The following ASPG variants were observed in gnomAD, a reference collection of about 807,000 sequenced individuals.
ASPG encodes 60 kDa lysophospholipase.
In ASPG, 53 loss-of-function variants were observed where a neutral mutation model predicts 63.2. That is an observed-to-expected ratio of 0.84 (90% CI 0.67 to 1.05). The LOEUF is 1.05. Among genes scored for constraint, ASPG ranks in the 50% least tolerant of loss-of-function variants. The pLI is 0.00. For missense variants in ASPG, 741 were observed against 794.4 expected (o/e 0.93, Z 0.81); for synonymous variants, 370 against 355.0 (o/e 1.04, Z -0.48).
intron 1 of ASPG, among the ~76,000 whole-genome samples, chr14:104,086,547 A>G (rs977875040): frequency 1.3e-5 from 2 of 152,182 alleles, no homozygotes; most frequent in Non-Finnish European, 2.9e-5. Flanking sequence ...CACAGGAAGG[A>G]TGGTAGCTTG....
Position 104,091,322 on chromosome 14 carries a change from C to T in ASPG, c.83-1311C>T, listed in dbSNP as rs917481244. On this transcript the variant is annotated intron_variant, in intron 1 of 15. Transcript: ENST00000551177. This position sits in a 1 kb window ranked among gnomAD's most constrained non-coding sequence, Gnocchi z 6.4. ...GGCTGGTGAATCCAGACCTTTGTTC[C>T]GGCAGCCCGTGTCCTGGCTGTGCTC... 7.2e-5 allele frequency among the ~76,000 whole-genome samples: 11 copies of T among 152,092 alleles called. No individual in the cohort carries two copies. Among genetic ancestry groups the T allele is most frequent in the East Asian group, 3.9e-4 (2 of 5,184 alleles).
At position 104,085,986 on chromosome 14, in the gene ASPG, C is replaced by G. The variant is rs371505525; in HGVS notation, c.82+134C>G. On this transcript the variant is annotated intron_variant, in intron 1 of 15. Coordinates refer to ENST00000551177, the MANE Select transcript of ASPG (RefSeq NM_001080464.3). Reference sequence around the variant, plus strand: ...ATGGGGGGTGCGGGCTGAGGTCGCTCTCCTCCGGTTCCGGCCACCGGCGTC... The same window carrying G: ...ATGGGGGGTGCGGGCTGAGGTCGCTGTCCTCCGGTTCCGGCCACCGGCGTC... 1.8e-4 allele frequency: 143 copies of G among 816,184 alleles called. No homozygotes were observed. The East Asian group carries it at 3.2e-3, about 18-fold the overall frequency. 50.6% of individuals were successfully genotyped at this position (816,184 alleles called of 1,614,324 possible).
chr14:104,085,700 A>C lies in ASPG; in HGVS notation c.-71A>C. 1 of 1,223,376 alleles carries C rather than the reference A, an allele frequency of 8.2e-7. No individual in the cohort carries two copies. The highest frequency in any genetic ancestry group is 1.0e-6 in the Non-Finnish European group (1 of 964,246). 75.8% of individuals were successfully genotyped at this position (1,223,376 alleles called of 1,614,324 possible). A position where few individuals can be genotyped will look rare whatever the true frequency, so the allele number is the denominator to read the frequency against. ...CCGGCGCCCCGGGCCTCCTCCGCGC[A>C]GTCCCTGAGTCCCGCAGGCCCTGCG... is the stretch of plus-strand genomic sequence containing the variant. On this transcript the variant is annotated 5_prime_UTR_variant, in exon 1 of 16. Coordinates refer to ENST00000551177, the MANE Select transcript of ASPG (RefSeq NM_001080464.3).
At chr14:104,101,443 C>T (rs1171040109) in intron 6 of ASPG, among the ~76,000 whole-genome samples, 1 of 152,104 alleles carries the variant, frequency 6.6e-6, no homozygotes, top group Non-Finnish European at 1.5e-5. Context: ...GCTTGGTGCT[C>T]CTGTCCACAG....
At position 104,101,482 on chromosome 14, in the gene ASPG, G is replaced by T. The variant is rs115183115; in HGVS notation, c.641-2081G>T. On this transcript the variant is annotated intron_variant, in intron 6 of 15. Coordinates refer to ENST00000551177, the MANE Select transcript of ASPG (RefSeq NM_001080464.3). ...GCTCGGCGCCAAGGGGTGGGGGGAT[G>T]CGTGGGAGGCTGGAGGAGGCCCTGC... Among the ~76,000 whole-genome samples, 415 of 152,264 alleles carry T rather than the reference G, an allele frequency of 2.7e-3. 1 individual carries two copies. Among genetic ancestry groups the T allele is most frequent in the African/African-American group, 9.6e-3 (398 of 41,542 alleles).
In ASPG at chr14:104,111,978, T is replaced by C. The variant is rs199572221; in HGVS notation, c.1679T>C (p.Val560Ala). The part of the protein sequence containing the change: ...VAFLQSLEGA[V>A]GAQAPCPEVL... ...TTTCTACAGAGCCTGGAGGGTGCGG[T>C]TGGTGCCCAGGCCCCATGCCCAGTA... The change falls in exon 15 of 16, where the codon GTT (valine) becomes GCT (alanine). Residue 560 changes from valine to alanine, a missense_variant. Transcript: ENST00000551177. The C allele has an allele frequency of 6.4e-7, 1 of 1,556,074 alleles. No individual in the cohort carries two copies. Among genetic ancestry groups the C allele is most frequent in the Non-Finnish European group, 8.7e-7 (1 of 1,149,614 alleles).
At position 104,110,054 on chromosome 14, in the gene ASPG, G is replaced by T; in HGVS notation, c.1520+739G>T. 1.0e-6 allele frequency: 1 copy of T among 985,428 alleles called. No individual in the cohort carries two copies. The highest frequency in any genetic ancestry group is 1.2e-6 in the Non-Finnish European group (1 of 829,920). The allele number at this position is 985,428 out of a possible 1,614,324, so 61.0% of individuals were successfully genotyped here. On this transcript the variant is annotated intron_variant, in intron 13 of 15. Transcript: ENST00000551177. The surrounding 1 kb of genome is among the most constrained non-coding windows in gnomAD (Gnocchi z 4.7). ...CCCCCCACCCCATGCCTTGTGCCTG[G>T]TGACTTGGCGCTGCCTCCTGTGCCC...
chr14:104,086,175 C>G (rs1057162660), intron 1 of ASPG, among the ~76,000 whole-genome samples: 1 of 152,178 alleles, frequency 6.6e-6, no homozygotes, highest in African/African-American at 2.4e-5. Flanking sequence ...CGGGAGGGCC[C>G]CAGGGCATTG....
chr14:104,093,048 G>C, intron 2 of ASPG: 1 of 483,926 alleles, frequency 2.1e-6, no homozygotes, highest in South Asian at 2.7e-5. Flanking sequence ...GAGCCAGCTG[G>C]CCCAGGTGGC....
intron 1 of ASPG, among the ~76,000 whole-genome samples, chr14:104,089,506 G>A (rs1434794403): frequency 6.6e-6 from 1 of 152,022 alleles, no homozygotes; most frequent in African/African-American, 2.4e-5. Context: ...GTGACAGAGT[G>A]AGACCCTGTC....
intron 2 of ASPG, 190 bp from the exon 3 acceptor site, chr14:104,093,301 G>C: frequency 1.5e-6 from 1 of 666,004 alleles, no homozygotes; most frequent in Admixed American, 2.2e-5. Flanking sequence ...CCTTGCCTCT[G>C]TGGGGAGCTC....
rs534541420 is a variant in ASPG at position 104,107,696 on chromosome 14, C to A, written c.1433+351C>A. On this transcript the variant is annotated intron_variant, in intron 12 of 15. Transcript: ENST00000551177. ...GGGGCTGTGACAGGCAACTCGGGCC[C>A]TGGAGGACAGGCCCAGCCTGTGCGT... 1.3e-3 allele frequency among the ~76,000 whole-genome samples: 194 copies of A among 152,350 alleles called. 1 individual carries two copies. The highest frequency in any genetic ancestry group is 4.4e-3 in the African/African-American group (183 of 41,584).
chr14:104,105,884 AG>A lies in ASPG; in HGVS notation c.1173+440del, dbSNP rs778488663. Among the ~76,000 whole-genome samples the A allele has an allele frequency of 1.7e-4, 26 of 152,090 alleles. 1 individual carries two copies. The highest frequency in any genetic ancestry group is 9.8e-4 in the Admixed American group (15 of 15,276). Reference sequence around the variant, plus strand: ...ACAACTGAGGTGCCCAGACCTAGGAAGGGGGGCTTTCGAGGCCTGGGGTCTG... The same window carrying A: ...ACAACTGAGGTGCCCAGACCTAGGAAGGGGGCTTTCGAGGCCTGGGGTCTG... On this transcript the variant is annotated intron_variant, in intron 10 of 15. Coordinates refer to ENST00000551177, the MANE Select transcript of ASPG (RefSeq NM_001080464.3).
chr14:104,092,002 C>A lies in ASPG; in HGVS notation c.83-631C>A, dbSNP rs142667572. ...CAGAGTTGCTGGGGGTGGGACCAGC[C>A]CGTCTGTGCACTTGCTGTGTGCTAG... On this transcript the variant is annotated intron_variant, in intron 1 of 15. Transcript: ENST00000551177. 2.9e-3 allele frequency among the ~76,000 whole-genome samples: 438 copies of A among 152,098 alleles called. 1 individual carries two copies. The highest frequency in any genetic ancestry group is 0.014 in the Middle Eastern group (4 of 294).
chr14:104,107,467 A>C, intron 12 of ASPG, 122 bp downstream of exon 12: 1 of 1,032,134 alleles, frequency 9.7e-7, no homozygotes, highest in Non-Finnish European at 1.3e-6. Flanking sequence ...CCTGCTTCCT[A>C]AAGGCTGCCC....
chr14:104,109,302 A>G lies in ASPG; in HGVS notation c.1507A>G (p.Thr503Ala), dbSNP rs746030831. 1.9e-6 allele frequency: 3 copies of G among 1,611,418 alleles called. No individual in the cohort carries two copies. The African/African-American group carries it at 4.0e-5, about 22-fold the overall frequency. ...CACCCAGGAGCTGGAGGAAGCAGGG[A>G]CGGAGCTGTGCAGGTGAGTGCAGCT... The part of the protein sequence containing the change: ...LSTQELEEAG[T>A]ELCRLAYRAD... The change falls in exon 13 of 16, where the codon ACG becomes GCG. Residue 503 changes from threonine (T) to alanine (A), a missense_variant. Physicochemically the swap from Thr to Ala is moderately conservative, Grantham distance 58 (BLOSUM62 0). Coordinates refer to ENST00000551177, the MANE Select transcript of ASPG (RefSeq NM_001080464.3). The surrounding 1 kb of genome is among the most constrained non-coding windows in gnomAD (Gnocchi z 4.8).
rs1456469266 is a variant in ASPG at position 104,114,545 on chromosome 14, G to A, written c.*2001G>A. On this transcript the variant is annotated 3_prime_UTR_variant, in exon 16 of 16. Coordinates refer to ENST00000551177, the MANE Select transcript of ASPG (RefSeq NM_001080464.3). ...TGGGAGCTTTCTCGGGGGCCGTTTT[G>A]TGCCCCTTGGGGAGAGGCCAGAGGG... 6.6e-6 allele frequency: 1 copy of A among 152,312 alleles called. No homozygotes were observed. 9.4% of individuals were successfully genotyped at this position (152,312 alleles called of 1,614,324 possible).
Position 104,091,751 on chromosome 14 carries a change from G to C in ASPG, c.83-882G>C, listed in dbSNP as rs1460346115. On this transcript the variant is annotated intron_variant, in intron 1 of 15. Transcript: ENST00000551177. The surrounding 1 kb of genome is among the most constrained non-coding windows in gnomAD (Gnocchi z 6.4). The stretch of plus-strand genomic sequence containing the variant: ...ATGGGTACAGCTGCAGAGGGCGAGG[G>C]GGGAAAGCAGGTGACCATGGCTGGG... Among the ~76,000 whole-genome samples the C allele has an allele frequency of 2.6e-5, 4 of 152,002 alleles. No individual in the cohort carries two copies. Among genetic ancestry groups the C allele is most frequent in the Admixed American group, 2.0e-4 (3 of 15,280 alleles).
In ASPG at chr14:104,110,714, A is replaced by C; in HGVS notation, c.1521-788A>C. 1.0e-6 allele frequency: 1 copy of C among 985,320 alleles called. No homozygotes were observed. Among genetic ancestry groups the C allele is most frequent in the African/African-American group, 1.7e-5 (1 of 57,342 alleles). The allele number at this position is 985,320 out of a possible 1,614,324, so 61.0% of individuals were successfully genotyped here. A position where few individuals can be genotyped will look rare whatever the true frequency, so the allele number is the denominator to read the frequency against. On this transcript the variant is annotated intron_variant, in intron 13 of 15. Transcript: ENST00000551177. The surrounding 1 kb of genome is among the most constrained non-coding windows in gnomAD (Gnocchi z 4.7). ...GGCGCAGAGTCCCTAAGGGCCCTCC[A>C]GAGGAGGGGGCAGCCCCTTCCTCAC...
Sources: allele counts gnomAD v4.1 joint callset (sites outside exome capture counted in the v4.1 genomes callset), GRCh38; gene constraint gnomAD v4.1.1; non-coding constraint Gnocchi (gnomAD v3.1); transcripts MANE v1.5; gene names NCBI Gene and HGNC (gene_info 2026-07-23, HGNC 2026-07-21).